The following CSMD1 variants were observed in gnomAD, a reference collection of about 807,000 sequenced individuals.
CSMD1 encodes the protein CUB and Sushi multiple domains 1, also known as CUB and sushi domain-containing protein 1.
A neutral mutation model predicts 417.5 loss-of-function variants in CSMD1; 213 were observed. The observed-to-expected ratio is 0.51, with a 90% CI of 0.46 to 0.57. The LOEUF is 0.57. Among genes scored for constraint, CSMD1 ranks in the 20% least tolerant of loss-of-function variants. CSMD1 has a pLI of 0.00. For missense variants in CSMD1, 6,923 were observed against 4,529.7 expected, an observed-to-expected ratio of 1.53 and a Z score of -15.17; for synonymous variants, 2,862 against 1,736.8, an observed-to-expected ratio of 1.65 and a Z score of -16.11.
At chr8:3,964,375 T>G (rs776975082) in intron 5 of CSMD1, among the ~76,000 whole-genome samples, 2 of 152,178 alleles carry the variant, frequency 1.3e-5, no homozygotes, top group Non-Finnish European at 1.5e-5. Context: ...TCACATTTGT[T>G]TGTATCAATT....
intron 1 of CSMD1, among the ~76,000 whole-genome samples, chr8:4,728,274 G>C (rs959174159): frequency 6.6e-6 from 1 of 150,414 alleles, no homozygotes; most frequent in Non-Finnish European, 1.5e-5. Context: ...ATATGATTTG[G>C]GTTGAAATAA....
intron 6 of CSMD1, among the ~76,000 whole-genome samples, chr8:3,725,669 G>A (rs1020945644): frequency 3.3e-5 from 5 of 150,690 alleles, no homozygotes; most frequent in African/African-American, 1.2e-4. Context: ...GGAGGACCCG[G>A]TCTCAGATGT....
chr8:3,561,823 G>C (rs1236371403), intron 10 of CSMD1, among the ~76,000 whole-genome samples: 2 of 152,176 alleles, frequency 1.3e-5, no homozygotes, highest in Non-Finnish European at 2.9e-5. Context: ...TATCTATAAA[G>C]TTAGTCACTG....
intron 1 of CSMD1, among the ~76,000 whole-genome samples, chr8:4,963,145 T>C (rs1052675264): frequency 5.9e-5 from 9 of 152,170 alleles, no homozygotes; most frequent in African/African-American, 9.6e-5. Context: ...GGCAGTCAAT[T>C]GCCCTCTGTA....
chr8:4,436,627 C>T (rs1301941563), intron 2 of CSMD1, among the ~76,000 whole-genome samples: 3 of 152,106 alleles, frequency 2.0e-5, no homozygotes, highest in Non-Finnish European at 2.9e-5. Context: ...ATTCCTTCTT[C>T]TATTTTTTTT....
chr8:3,367,060 C>G lies in CSMD1; in HGVS notation c.3087G>C (p.Ser1029=). ...QLRFISDFSI[S]YEGFNITFSE... ...AAAATGTGATATTGAAGCCCTCGTACGAAATTGAGAAGTCTGATATAAACC... is the reference window on the plus strand; with the variant it reads ...AAAATGTGATATTGAAGCCCTCGTAGGAAATTGAGAAGTCTGATATAAACC... Residue 1029 remains serine, a synonymous_variant, in exon 20 of 70, where the codon TCG becomes TCC. Coordinates refer to ENST00000635120, the MANE Select transcript of CSMD1 (RefSeq NM_033225.6). 1 of 1,613,568 alleles carries G rather than the reference C, an allele frequency of 6.2e-7. No individual in the cohort carries two copies. The highest frequency in any genetic ancestry group is 8.5e-7 in the Non-Finnish European group (1 of 1,179,740).
chr8:4,150,509 G>A (rs1796515365), intron 3 of CSMD1, among the ~76,000 whole-genome samples: 1 of 152,134 alleles, frequency 6.6e-6, no homozygotes, highest in African/African-American at 2.4e-5. Flanking sequence ...CTTCTAGAAG[G>A]CAGAATTTCT....
In CSMD1 at chr8:3,087,360, T is replaced by A. The variant is rs552259544; in HGVS notation, c.7286-75A>T. ...GCCAGTGCCATTGCCTTTGTGAGAGTCTATAAATGAATGGCTTCTCATTTC... is the reference window on the plus strand; with the variant it reads ...GCCAGTGCCATTGCCTTTGTGAGAGACTATAAATGAATGGCTTCTCATTTC... On this transcript the variant is annotated intron_variant, in intron 48 of 69. Coordinates refer to ENST00000635120, the MANE Select transcript of CSMD1 (RefSeq NM_033225.6). 3.8e-5 allele frequency: 54 copies of A among 1,433,874 alleles called. No homozygotes were observed. The South Asian group carries it at 5.5e-4, about 15-fold the overall frequency. The allele number at this position is 1,433,874 out of a possible 1,614,324, so 88.8% of individuals were successfully genotyped here.
At chr8:4,161,360 A>C (rs1797150705) in intron 3 of CSMD1, among the ~76,000 whole-genome samples, 1 of 152,246 alleles carries the variant, frequency 6.6e-6, no homozygotes, top group Admixed American at 6.5e-5. Context: ...GACTGTAAAA[A>C]TGCAGGCTTT....
chr8:2,990,495 C>G (rs1399813068), intron 54 of CSMD1, among the ~76,000 whole-genome samples: 4 of 152,180 alleles, frequency 2.6e-5, no homozygotes, highest in African/African-American at 7.2e-5. Flanking sequence ...AAGTGAGCCT[C>G]TCTCTACGAA....
At chr8:4,982,655 T>A (rs1333335972) in intron 1 of CSMD1, among the ~76,000 whole-genome samples, 1 of 152,232 alleles carries the variant, frequency 6.6e-6, no homozygotes, top group Non-Finnish European at 1.5e-5. Context: ...TATAACACTT[T>A]ACAGTATTTT....
chr8:3,477,571 G>T (rs546092905), intron 11 of CSMD1, among the ~76,000 whole-genome samples: 1 of 152,194 alleles, frequency 6.6e-6, no homozygotes, highest in Non-Finnish European at 1.5e-5. Flanking sequence ...CTTGAGGATG[G>T]AGTAAAATAC....
At chr8:4,521,638 T>TA (rs1803454291) in intron 2 of CSMD1, among the ~76,000 whole-genome samples, 1 of 152,224 alleles carries the variant, frequency 6.6e-6, no homozygotes, top group African/African-American at 2.4e-5. Flanking sequence ...AACTTTATGG[T>TA]AGAAAAAGGT....
At chr8:3,786,975 A>T (rs988729341) in intron 5 of CSMD1, among the ~76,000 whole-genome samples, 2 of 152,164 alleles carry the variant, frequency 1.3e-5, no homozygotes, top group Non-Finnish European at 1.5e-5. Flanking sequence ...CTCATCATCT[A>T]GATTAGATGA....
intron 1 of CSMD1, among the ~76,000 whole-genome samples, chr8:4,980,375 A>T (rs978009282): frequency 2.0e-5 from 3 of 152,194 alleles, no homozygotes; most frequent in African/African-American, 7.2e-5. Context: ...AGCAAGGAGC[A>T]ATAGAGGCGG....
chr8:4,300,156 AAAC>A (rs1193724686), intron 3 of CSMD1, among the ~76,000 whole-genome samples: 4 of 152,144 alleles, frequency 2.6e-5, no homozygotes, highest in South Asian at 4.1e-4. Context: ...TCTTTCATAA[AAAC>A]AACAACAAAA....
chr8:3,708,368 C>T (rs1486733610), intron 7 of CSMD1, 46 bp downstream of exon 7: 3 of 1,529,586 alleles, frequency 2.0e-6, no homozygotes, highest in East Asian at 4.5e-5. Context: ...CTCTCCTCTG[C>T]TTACAAGGGC....
chr8:3,456,088 A>G (rs148615875), intron 12 of CSMD1, among the ~76,000 whole-genome samples: 3 of 152,268 alleles, frequency 2.0e-5, no homozygotes, highest in Non-Finnish European at 4.4e-5. Flanking sequence ...GCAAGCCTTC[A>G]TGGGCGTAGG....
chr8:3,671,813 C>G (rs533945770), intron 7 of CSMD1, among the ~76,000 whole-genome samples: 1 of 151,978 alleles, frequency 6.6e-6, no homozygotes, highest in Admixed American at 6.6e-5. Context: ...GAGCCTAGAA[C>G]TTCAGTTCTT....
Sources: allele counts gnomAD v4.1 joint callset (sites outside exome capture counted in the v4.1 genomes callset), GRCh38; gene constraint gnomAD v4.1.1; transcripts MANE v1.5; gene names NCBI Gene and HGNC (gene_info 2026-07-23, HGNC 2026-07-21).